The following NINJ2 variants were observed in gnomAD, a reference collection of about 807,000 sequenced individuals.
The protein encoded by NINJ2 is ninjurin 2.
NINJ2 carries 12 observed loss-of-function variants against 11.7 expected under a neutral mutation model. That is an observed-to-expected ratio of 1.02 (90% CI 0.66 to 1.66). NINJ2 has a LOEUF of 1.66. Among genes scored for constraint, NINJ2 ranks in the 40% most tolerant of loss-of-function variants. The pLI is 0.00. For missense variants in NINJ2, 187 were observed against 181.8 expected (o/e 1.03, Z -0.16); for synonymous variants, 93 against 76.8 (o/e 1.21, Z -1.10).
intron 1 of NINJ2, among the ~76,000 whole-genome samples, chr12:635,564 C>T (rs1415998658): frequency 6.6e-6 from 1 of 152,156 alleles, no homozygotes; most frequent in African/African-American, 2.4e-5. Flanking sequence ...TACCTTATGC[C>T]ATATACAGAA....
intron 1 of NINJ2, among the ~76,000 whole-genome samples, chr12:647,585 G>A (rs1304167218): frequency 6.6e-6 from 1 of 152,214 alleles, no homozygotes; most frequent in African/African-American, 2.4e-5. Flanking sequence ...ATCTCTGCGT[G>A]ACTCTGGGTG....
In NINJ2 at chr12:609,258, A is replaced by ACG. The variant is rs1233763517; in HGVS notation, c.34-43082_34-43081dup. 3.6e-3 allele frequency among the ~76,000 whole-genome samples: 319 copies of ACG among 87,504 alleles called. 9 individuals carry two copies. The highest frequency in any genetic ancestry group is 7.4e-3 in the South Asian group (21 of 2,822). The allele number at this position is 87,504 out of a possible 152,430, so 57.4% of individuals were successfully genotyped here. ...CGCACGGCGCCACGCTAGGGGCTGT[A>ACG]CGCACGCACGGCGCCACGCGCTAGG... On this transcript the variant is annotated intron_variant, in intron 1 of 3. Coordinates refer to ENST00000305108, the MANE Select transcript of NINJ2 (RefSeq NM_016533.6).
rs201610393 is a variant in NINJ2, at chr12:639,979, T to TGCCCAG, written c.33+23343_33+23348dup. Among the ~76,000 whole-genome samples the TGCCCAG allele has an allele frequency of 1.5e-4, 23 of 152,368 alleles. No homozygotes were observed. In the East Asian group the frequency reaches 3.3e-3, roughly 22 times the overall value. On this transcript the variant is annotated intron_variant, in intron 1 of 3. Transcript: ENST00000305108. ...CATCTAAAAGCAAATTAGGAGGCCT[T>TGCCCAG]GCCCAGGCCCAGGCCCCCGAATAGT...
intron 1 of NINJ2, among the ~76,000 whole-genome samples, chr12:647,638 T>G (rs986037512): frequency 6.6e-6 from 1 of 152,204 alleles, no homozygotes; most frequent in African/African-American, 2.4e-5. Flanking sequence ...CAGGACTACC[T>G]GGGAGAAAGG....
intron 1 of NINJ2, among the ~76,000 whole-genome samples, chr12:604,603 T>A (rs61916661): frequency 0.21 from 32,129 of 151,806 alleles, 3,594 homozygotes; most frequent in East Asian, 0.3. Flanking sequence ...GCGCCACTGC[T>A]CTCCAGCCTG....
At chr12:571,104 A>C (rs528030522) in intron 1 of NINJ2, among the ~76,000 whole-genome samples, 3 of 152,302 alleles carry the variant, frequency 2.0e-5, no homozygotes, top group Admixed American at 2.0e-4. Flanking sequence ...GGGCGGCAGG[A>C]CACTGACCCA....
intron 1 of NINJ2, among the ~76,000 whole-genome samples, chr12:638,938 C>T (rs1948388237): frequency 6.6e-6 from 1 of 152,164 alleles, no homozygotes; most frequent in African/African-American, 2.4e-5. Flanking sequence ...TAGTGTATAT[C>T]CATAGTAAGT....
chr12:577,448 T>TATACATATATATGTATA, intron 1 of NINJ2, among the ~76,000 whole-genome samples: 3 of 141,978 alleles, frequency 2.1e-5, no homozygotes, highest in Non-Finnish European at 3.1e-5. Context: ...TATATAAATA[T>TATACATATATATGTATA]TTTGGCACGA....
intron 1 of NINJ2, 86 bp from the exon 2 acceptor site, chr12:566,264 G>T: frequency 3.6e-6 from 4 of 1,125,486 alleles, no homozygotes; most frequent in African/African-American, 1.6e-5. Context: ...AGGTTTTAAA[G>T]CTCTTTCCAA....
chr12:580,868 G>A lies in NINJ2; in HGVS notation c.34-14690C>T, dbSNP rs969401434. On this transcript the variant is annotated intron_variant, in intron 1 of 3. Coordinates refer to ENST00000305108, the MANE Select transcript of NINJ2 (RefSeq NM_016533.6). This position sits in a 1 kb window ranked among gnomAD's most constrained non-coding sequence, Gnocchi z 4.7. ...TGTGTCTGTGTGTGCATGAGTGTCT[G>A]TGTGAATGTGTCTATGCATGTGTCT... 1.3e-5 allele frequency among the ~76,000 whole-genome samples: 2 copies of A among 151,806 alleles called. No individual in the cohort carries two copies. The highest frequency in any genetic ancestry group is 4.8e-5 in the African/African-American group (2 of 41,296).
At chr12:567,717 G>A (rs4980837) in intron 1 of NINJ2, among the ~76,000 whole-genome samples, 15,542 of 152,192 alleles carry the variant, frequency 0.1, 1,030 homozygotes, top group South Asian at 0.14. Flanking sequence ...AGGATACCCC[G>A]AAATGAGGCT....
At chr12:618,017 G>T (rs1324687902) in intron 1 of NINJ2, among the ~76,000 whole-genome samples, 1 of 151,644 alleles carries the variant, frequency 6.6e-6, no homozygotes, top group African/African-American at 2.4e-5. Context: ...GGATAAGGGG[G>T]GATTCTGATT....
intron 1 of NINJ2, among the ~76,000 whole-genome samples, chr12:579,267 G>A (rs1380598026): frequency 6.6e-6 from 1 of 152,150 alleles, no homozygotes; most frequent in East Asian, 1.9e-4. Flanking sequence ...AGGGAAGGTG[G>A]TGAATTTCCC....
chr12:650,642 T>A (rs559740488), intron 1 of NINJ2, among the ~76,000 whole-genome samples: 1 of 152,184 alleles, frequency 6.6e-6, no homozygotes, highest in South Asian at 2.1e-4. Context: ...GAGGTTGTGG[T>A]GAGCCGAGTT....
At chr12:643,327 A>G in intron 1 of NINJ2, 1 of 602,056 alleles carries the variant, frequency 1.7e-6, no homozygotes, top group Non-Finnish European at 2.1e-6. Context: ...GCAGCCTCGC[A>G]GCCCCGCGCC....
At chr12:641,538 T>C (rs1410048331) in intron 1 of NINJ2, among the ~76,000 whole-genome samples, 2 of 152,110 alleles carry the variant, frequency 1.3e-5, no homozygotes, top group Non-Finnish European at 2.9e-5. Flanking sequence ...ATAAGACTCT[T>C]GTGCTAAAGA....
intron 1 of NINJ2, among the ~76,000 whole-genome samples, chr12:638,848 C>T (rs1442318920): frequency 5.4e-4 from 82 of 152,334 alleles, no homozygotes; most frequent in Admixed American, 5.3e-3. Context: ...CCTGCTTTAG[C>T]ACCTATGTTC....
At chr12:627,169 ATT>A (rs1392219502) in intron 1 of NINJ2, among the ~76,000 whole-genome samples, 1 of 152,172 alleles carries the variant, frequency 6.6e-6, no homozygotes. Flanking sequence ...GTTAACTATT[ATT>A]TTTGAATTAA....
rs1420595212 is a variant in NINJ2, at chr12:564,499, GA to G, written c.*200del. On this transcript the variant is annotated 3_prime_UTR_variant, in exon 4 of 4. Coordinates refer to ENST00000305108, the MANE Select transcript of NINJ2 (RefSeq NM_016533.6). Reference sequence around the variant, plus strand: ...TGGCAGTACCTGCGTCTGAGCTCAGGACTTCAGACCAAGATGGAAGTCCCTT... The same window carrying G: ...TGGCAGTACCTGCGTCTGAGCTCAGGCTTCAGACCAAGATGGAAGTCCCTT... 6.6e-6 allele frequency: 1 copy of G among 152,234 alleles called. No homozygotes were observed. Among genetic ancestry groups the G allele is most frequent in the East Asian group, 1.9e-4 (1 of 5,196 alleles). 9.4% of individuals were successfully genotyped at this position (152,234 alleles called of 1,614,324 possible).
Sources: allele counts gnomAD v4.1 joint callset (sites outside exome capture counted in the v4.1 genomes callset), GRCh38; gene constraint gnomAD v4.1.1; non-coding constraint Gnocchi (gnomAD v3.1); transcripts MANE v1.5; gene names NCBI Gene and HGNC (gene_info 2026-07-23, HGNC 2026-07-21).